Variants in AGBL1 observed in about 807,000 individuals in gnomAD.
AGBL1 encodes AGBL carboxypeptidase 1, also known as cytosolic carboxypeptidase 4.
In AGBL1, 130 loss-of-function variants were observed where a neutral mutation model predicts 118.9. That is an observed-to-expected ratio of 1.09 (90% confidence interval 0.95 to 1.26). The LOEUF (loss-of-function observed/expected upper bound fraction) is 1.26. AGBL1 is among the 50% of genes most tolerant of loss of function. AGBL1 has a pLI of 0.00. For synonymous variants in AGBL1, 555 were observed against 478.9 expected, an observed-to-expected ratio of 1.16 and a Z score of -2.08; for missense variants, 1,584 against 1,298.1, an observed-to-expected ratio of 1.22 and a Z score of -3.38.
intron 22 of AGBL1, among the ~76,000 whole-genome samples, chr15:86,839,098 G>A (rs2141432643): frequency 6.6e-6 from 1 of 152,142 alleles, no homozygotes; most frequent in South Asian, 2.1e-4. Flanking sequence ...AGTGTAGAAT[G>A]CAAGCAGAGA....
At chr15:86,933,689 C>T (rs1287728237) in intron 23 of AGBL1, among the ~76,000 whole-genome samples, 2 of 152,184 alleles carry the variant, frequency 1.3e-5, no homozygotes, top group Non-Finnish European at 2.9e-5. Context: ...TATCTGCCTG[C>T]CTGTGTTTTA....
chr15:86,612,538 G>C (rs1319864748), intron 21 of AGBL1, among the ~76,000 whole-genome samples: 3 of 152,068 alleles, frequency 2.0e-5, no homozygotes, highest in Non-Finnish European at 2.9e-5. Flanking sequence ...TCTTAAGACT[G>C]ACAAAACAGA....
chr15:86,160,540 A>G (rs1437010667), intron 5 of AGBL1, among the ~76,000 whole-genome samples: 5 of 152,170 alleles, frequency 3.3e-5, no homozygotes, highest in East Asian at 1.9e-4. Context: ...GGACATATAT[A>G]TGACTTGGAT....
intron 7 of AGBL1, among the ~76,000 whole-genome samples, chr15:86,254,964 A>G (rs1358243837): frequency 2.0e-5 from 3 of 152,200 alleles, no homozygotes; most frequent in African/African-American, 7.2e-5. Context: ...TACTCCCTCC[A>G]GCCTTCAAAT....
intron 21 of AGBL1, among the ~76,000 whole-genome samples, chr15:86,665,304 TA>T (rs1184992259): frequency 1.3e-5 from 2 of 151,684 alleles, no homozygotes; most frequent in Non-Finnish European, 2.9e-5. Context: ...AGAGTTTAAT[TA>T]AACACTATTA....
chr15:86,677,556 A>T (rs1380561723), intron 22 of AGBL1, among the ~76,000 whole-genome samples: 1 of 152,028 alleles, frequency 6.6e-6, no homozygotes, highest in African/African-American at 2.4e-5. Context: ...GTTCGTCTCG[A>T]TTTGTATCCC....
intron 21 of AGBL1, among the ~76,000 whole-genome samples, chr15:86,556,997 A>G (rs1267366460): frequency 6.6e-6 from 1 of 152,222 alleles, no homozygotes; most frequent in East Asian, 1.9e-4. Flanking sequence ...ATTAAAGAAC[A>G]TAAGCTATTA....
intron 22 of AGBL1, among the ~76,000 whole-genome samples, chr15:86,736,335 G>A (rs529182596): frequency 5.6e-4 from 85 of 151,844 alleles, no homozygotes; most frequent in African/African-American, 1.9e-3. Context: ...AGCTGAGATC[G>A]TGCCACTGCA....
chr15:86,244,647 GA>G (rs956990195), intron 6 of AGBL1, among the ~76,000 whole-genome samples: 2 of 152,054 alleles, frequency 1.3e-5, no homozygotes. Flanking sequence ...GAAAATTAAA[GA>G]TTTTTTTTCA....
At chr15:86,752,433 G>T (rs2077868277) in intron 22 of AGBL1, among the ~76,000 whole-genome samples, 1 of 152,064 alleles carries the variant, frequency 6.6e-6, no homozygotes, top group Non-Finnish European at 1.5e-5. Context: ...CTTTTATCTG[G>T]TACAAAAGGG....
chr15:86,788,759 G>T (rs2078450181), intron 22 of AGBL1, among the ~76,000 whole-genome samples: 1 of 152,156 alleles, frequency 6.6e-6, no homozygotes, highest in South Asian at 2.1e-4. Flanking sequence ...GAATGGATCT[G>T]CATCCAGCAT....
At chr15:86,571,419 A>G (rs1407059929) in intron 21 of AGBL1, among the ~76,000 whole-genome samples, 1 of 152,138 alleles carries the variant, frequency 6.6e-6, no homozygotes, top group Non-Finnish European at 1.5e-5. Context: ...TGAGCAATGG[A>G]ATAGCTCAGA....
rs1163373730 is a variant in AGBL1, at chr15:86,226,164, A to G, written c.526+1213A>G. On this transcript the variant is annotated intron_variant, in intron 6 of 22. Transcript: ENST00000614907. ...CCCTGGAGATAGGAAGGGATGGAAA[A>G]GTGTTACTGTGGGTTCTGGGGAGAG... is the stretch of plus-strand genomic sequence containing the variant. Among the ~76,000 whole-genome samples, 8 of 152,130 alleles carry G rather than the reference A, an allele frequency of 5.3e-5. No individual in the cohort carries two copies. The East Asian group carries it at 1.4e-3, about 26-fold the overall frequency.
intron 5 of AGBL1, among the ~76,000 whole-genome samples, chr15:86,165,432 C>A (rs569605268): frequency 2.6e-5 from 4 of 152,282 alleles, no homozygotes; most frequent in African/African-American, 9.6e-5. Flanking sequence ...CTTTCTCCAA[C>A]CATCACTCCA....
chr15:86,332,160 A>T (rs1171796884), intron 17 of AGBL1, among the ~76,000 whole-genome samples: 1 of 152,238 alleles, frequency 6.6e-6, no homozygotes, highest in Non-Finnish European at 1.5e-5. Context: ...GTAAAGAAGG[A>T]CAAAAAAGGG....
rs992506660 is a variant in AGBL1, at chr15:86,154,363, C to T, written c.263-67C>T. On this transcript the variant is annotated intron_variant, in intron 3 of 22. Transcript: ENST00000614907. ...CCTTCACCATCTTCCCCTTCCTCCA[C>T]TGTACTCATTGTACAATCCAGAATC... The T allele has an allele frequency of 3.4e-5, 52 of 1,540,258 alleles. No individual in the cohort carries two copies. The East Asian group carries it at 1.1e-3, about 32-fold the overall frequency.
chr15:86,097,535 C>CTTTT (rs529913129), intron 1 of AGBL1, among the ~76,000 whole-genome samples: 10 of 139,218 alleles, frequency 7.2e-5, no homozygotes, highest in East Asian at 4.1e-4. Context: ...ATGAGATCCA[C>CTTTT]TTTTTTTTTT....
chr15:86,826,827 A>G (rs1271063673), intron 22 of AGBL1, among the ~76,000 whole-genome samples: 2 of 152,082 alleles, frequency 1.3e-5, no homozygotes, highest in Non-Finnish European at 2.9e-5. Context: ...CCTAAGACAA[A>G]TGGTGATGAT....
chr15:86,577,830 C>A (rs1303774603), intron 21 of AGBL1, among the ~76,000 whole-genome samples: 1 of 8,892 alleles, frequency 1.1e-4, no homozygotes, highest in Non-Finnish European at 1.9e-4. Flanking sequence ...GCACAGAAGT[C>A]AAGAACTGGG....
Sources: gnomAD v4.1 joint callset for allele counts (sites outside exome capture counted in the v4.1 genomes callset) on GRCh38, gnomAD v4.1.1 for gene constraint, MANE v1.5 for transcripts, NCBI Gene and HGNC (gene_info 2026-07-23, HGNC 2026-07-21) for gene names.